The following TAFA1 variants were observed in gnomAD, a reference collection of about 807,000 sequenced individuals.
TAFA1 encodes the protein chemokine-like protein TAFA-1.
A neutral mutation model predicts 18.5 loss-of-function variants in TAFA1; 4 were observed. The observed-to-expected ratio is 0.22, with a 90% CI of 0.11 to 0.49. The LOEUF (loss-of-function observed/expected upper bound fraction) is 0.49, where lower values mean the gene tolerates loss of function less well. Among genes scored for constraint, TAFA1 ranks in the 20% least tolerant of loss-of-function variants. The pLI is 0.98. For synonymous variants in TAFA1, 56 were observed against 55.2 expected (o/e 1.01, Z -0.06); for missense variants, 147 against 169.0 (o/e 0.87, Z 0.72).
At chr3:68,049,263 C>A (rs958549836) in intron 2 of TAFA1, among the ~76,000 whole-genome samples, 1 of 152,106 alleles carries the variant, frequency 6.6e-6, no homozygotes, top group Non-Finnish European at 1.5e-5. Flanking sequence ...CCTACGGTGT[C>A]TAGAGTGTCT....
chr3:68,045,258 G>A (rs1394662843), intron 2 of TAFA1, among the ~76,000 whole-genome samples: 1 of 152,092 alleles, frequency 6.6e-6, no homozygotes, highest in Non-Finnish European at 1.5e-5. Flanking sequence ...TAAGACCTAG[G>A]CTTGAAACTG....
intron 2 of TAFA1, among the ~76,000 whole-genome samples, chr3:68,063,711 T>C (rs2064635816): frequency 6.6e-6 from 1 of 152,212 alleles, no homozygotes; most frequent in Non-Finnish European, 1.5e-5. Context: ...CAGATTATGT[T>C]CTTTAATGCA....
intron 2 of TAFA1, among the ~76,000 whole-genome samples, chr3:68,361,170 A>C (rs944470554): frequency 6.6e-6 from 1 of 152,066 alleles, no homozygotes; most frequent in Non-Finnish European, 1.5e-5. Flanking sequence ...CATTATAAAA[A>C]AGAATGAAAT....
At chr3:68,284,125 A>G (rs1276328568) in intron 2 of TAFA1, among the ~76,000 whole-genome samples, 1 of 152,124 alleles carries the variant, frequency 6.6e-6, no homozygotes, top group Admixed American at 6.5e-5. Flanking sequence ...TGAGATTGGA[A>G]TCTTTCTCTT....
At chr3:68,518,900 A>G (rs2072971230) in intron 3 of TAFA1, among the ~76,000 whole-genome samples, 1 of 152,218 alleles carries the variant, frequency 6.6e-6, no homozygotes, top group Non-Finnish European at 1.5e-5. Flanking sequence ...ATTTGTCCAT[A>G]AAGCCTGCCT....
chr3:68,124,072 T>G (rs2065435598), intron 2 of TAFA1, among the ~76,000 whole-genome samples: 1 of 152,128 alleles, frequency 6.6e-6, no homozygotes, highest in South Asian at 2.1e-4. Context: ...CGTTTGCTGA[T>G]TTGATTATCT....
intron 3 of TAFA1, among the ~76,000 whole-genome samples, chr3:68,513,203 TCTAA>T (rs1434016861): frequency 1.2e-4 from 18 of 152,138 alleles, no homozygotes; most frequent in Non-Finnish European, 2.2e-4. Flanking sequence ...AGTCAGATCT[TCTAA>T]CTCTTTTAGG....
chr3:68,160,728 A>T (rs1334520992), intron 2 of TAFA1, among the ~76,000 whole-genome samples: 1 of 152,192 alleles, frequency 6.6e-6, no homozygotes, highest in Non-Finnish European at 1.5e-5. Context: ...ATAGTTATTA[A>T]AAAGTGGGGA....
intron 2 of TAFA1, among the ~76,000 whole-genome samples, chr3:68,026,207 C>G (rs751787682): frequency 1.3e-5 from 2 of 151,886 alleles, no homozygotes; most frequent in Non-Finnish European, 2.9e-5. Flanking sequence ...AACTGCATGA[C>G]TCTCTGGTCA....
chr3:68,512,396 T>C (rs1489590532), intron 3 of TAFA1, among the ~76,000 whole-genome samples: 1 of 152,146 alleles, frequency 6.6e-6, no homozygotes, highest in Non-Finnish European at 1.5e-5. Flanking sequence ...AAATAGATGC[T>C]GGTATTATTA....
chr3:68,020,138 G>A (rs1436068898), intron 2 of TAFA1, among the ~76,000 whole-genome samples: 4 of 152,062 alleles, frequency 2.6e-5, no homozygotes, highest in South Asian at 2.1e-4. Flanking sequence ...GGGATAGGCT[G>A]TTCTTTTATG....
chr3:68,195,445 T>A (rs1575673020), intron 2 of TAFA1, among the ~76,000 whole-genome samples: 1 of 150,532 alleles, frequency 6.6e-6, no homozygotes, highest in Non-Finnish European at 1.5e-5. Flanking sequence ...TTCGACATTA[T>A]GACCATTCTG....
intron 2 of TAFA1, among the ~76,000 whole-genome samples, chr3:68,013,153 T>G (rs1371997493): frequency 2.6e-5 from 4 of 152,292 alleles, no homozygotes; most frequent in Non-Finnish European, 5.9e-5. Context: ...ACATACTAGG[T>G]TCTCAGAAAA....
intron 2 of TAFA1, among the ~76,000 whole-genome samples, chr3:68,149,664 G>C (rs1006999230): frequency 6.6e-6 from 1 of 152,200 alleles, no homozygotes; most frequent in African/African-American, 2.4e-5. Context: ...TGCCAGGAGG[G>C]ATTTGTCCCC....
intron 2 of TAFA1, among the ~76,000 whole-genome samples, chr3:68,084,746 C>T (rs183536621): frequency 1.4e-3 from 217 of 150,786 alleles, no homozygotes; most frequent in Middle Eastern, 0.01. Context: ...TGCAGCGAGC[C>T]GAGATAGCGC....
Position 68,199,428 on chromosome 3 carries a change from T to C in TAFA1, c.118+192684T>C, listed in dbSNP as rs2066448201. 4.0e-5 allele frequency among the ~76,000 whole-genome samples: 6 copies of C among 151,688 alleles called. No individual in the cohort carries two copies. The South Asian group carries it at 1.2e-3, about 31-fold the overall frequency. ...TCTGGGATTTTGACTGGGATTACAT[T>C]GAAATTATAGATCAAGCTGGGAACA... is the stretch of plus-strand genomic sequence containing the variant. On this transcript the variant is annotated intron_variant, in intron 2 of 4. Coordinates refer to ENST00000478136, the MANE Select transcript of TAFA1 (RefSeq NM_213609.4).
chr3:68,119,686 A>T (rs2065365385), intron 2 of TAFA1, among the ~76,000 whole-genome samples: 1 of 152,062 alleles, frequency 6.6e-6, no homozygotes, highest in South Asian at 2.1e-4. Context: ...ATTTGAGCAG[A>T]TATGTGAGGG....
intron 2 of TAFA1, among the ~76,000 whole-genome samples, chr3:68,093,281 C>G (rs1201843493): frequency 2.0e-5 from 3 of 152,034 alleles, no homozygotes; most frequent in Admixed American, 6.6e-5. Flanking sequence ...TGAATGTGTT[C>G]TTCCCACCTA....
intron 2 of TAFA1, among the ~76,000 whole-genome samples, chr3:68,045,391 G>C (rs1324048815): frequency 1.3e-5 from 2 of 152,188 alleles, no homozygotes; most frequent in Non-Finnish European, 2.9e-5. Context: ...TCTGGCAAAA[G>C]ATAAGAATAC....
Sources: gnomAD v4.1 joint callset for allele counts (sites outside exome capture counted in the v4.1 genomes callset) on GRCh38, gnomAD v4.1.1 for gene constraint, MANE v1.5 for transcripts, NCBI Gene and HGNC (gene_info 2026-07-23, HGNC 2026-07-21) for gene names.